REEP3: variants seen among roughly 807,000 people sequenced by gnomAD.
The protein encoded by REEP3 is receptor expression-enhancing protein 3.
In REEP3, 20 loss-of-function variants were observed where a neutral mutation model predicts 41.3. The ratio of observed to expected loss-of-function variants is 0.48; its 90% CI spans 0.34 to 0.70. REEP3 has a LOEUF of 0.70. Among genes scored for constraint, REEP3 ranks in the 30% least tolerant of loss-of-function variants. The pLI is 0.01. For synonymous variants in REEP3, 104 were observed against 101.8 expected, an observed-to-expected ratio of 1.02 and a Z score of -0.13; for missense variants, 271 against 308.8, an observed-to-expected ratio of 0.88 and a Z score of 0.92.
At chr10:63,602,665 C>T (rs976626096) in intron 5 of REEP3, among the ~76,000 whole-genome samples, 4 of 152,108 alleles carry the variant, frequency 2.6e-5, no homozygotes, top group Non-Finnish European at 4.4e-5. Flanking sequence ...CACCATTGTA[C>T]ATATTGTGAC....
chr10:63,594,754 C>CAT, intron 2 of REEP3, 24 bp from the exon 3 acceptor site: 2 of 1,454,762 alleles, frequency 1.4e-6, no homozygotes, highest in Non-Finnish European at 1.9e-6. Context: ...TCTGTTGTTT[C>CAT]ATGAGTATTT....
At chr10:63,586,330 A>G (rs1956006464) in intron 2 of REEP3, among the ~76,000 whole-genome samples, 1 of 152,180 alleles carries the variant, frequency 6.6e-6, no homozygotes, top group East Asian at 1.9e-4. Context: ...GCACTATATA[A>G]ATCAGAATGT....
Position 63,619,695 on chromosome 10 carries a change from TGAA to T in REEP3, c.611_613del (p.Glu204del), listed in dbSNP as rs1956338221. 6.2e-7 allele frequency: 1 copy of T among 1,604,988 alleles called. No homozygotes were observed. Among genetic ancestry groups the T allele is most frequent in the Non-Finnish European group, 8.5e-7 (1 of 1,175,724 alleles). ...TGAAAGACGGAGATGAGAAAACAGATGAAGAAGCAGAGGGGCCATATTCAGATA... is the reference window on the plus strand; with the variant it reads ...TGAAAGACGGAGATGAGAAAACAGATGAAGCAGAGGGGCCATATTCAGATA... On this transcript the variant is annotated inframe_deletion, in exon 7 of 8. Coordinates refer to ENST00000373758, the MANE Select transcript of REEP3 (RefSeq NM_001001330.3).
chr10:63,549,471 G>A (rs1212002501), intron 1 of REEP3, among the ~76,000 whole-genome samples: 5 of 151,366 alleles, frequency 3.3e-5, no homozygotes, highest in Admixed American at 2.7e-4. Flanking sequence ...AGGAGGCTGA[G>A]GCAGGAGGAT....
intron 1 of REEP3, among the ~76,000 whole-genome samples, chr10:63,559,557 G>C (rs1269988107): frequency 6.6e-6 from 1 of 152,154 alleles, no homozygotes; most frequent in Non-Finnish European, 1.5e-5. Context: ...AATATCATTA[G>C]GAAGTAGAGA....
chr10:63,592,575 A>G (rs1248231088), intron 2 of REEP3, among the ~76,000 whole-genome samples: 2 of 152,152 alleles, frequency 1.3e-5, no homozygotes, highest in African/African-American at 4.8e-5. Context: ...AGGGAGGCCT[A>G]TAGTCAGGAT....
intron 2 of REEP3, among the ~76,000 whole-genome samples, chr10:63,573,888 C>G (rs6479908): frequency 0.44 from 67,030 of 151,984 alleles, 15,007 homozygotes; most frequent in Middle Eastern, 0.49. Flanking sequence ...AAAGATTAGC[C>G]TACTGATTAT....
chr10:63,549,168 T>C (rs562207121), intron 1 of REEP3, among the ~76,000 whole-genome samples: 2 of 152,234 alleles, frequency 1.3e-5, no homozygotes, highest in African/African-American at 4.8e-5. Context: ...CACCAAGGAC[T>C]GACCTAGTGT....
intron 6 of REEP3, among the ~76,000 whole-genome samples, chr10:63,616,499 C>T (rs1453784897): frequency 6.6e-6 from 1 of 152,062 alleles, no homozygotes; most frequent in Non-Finnish European, 1.5e-5. Flanking sequence ...TGAATCAATC[C>T]ATCACTTTTC....
At chr10:63,535,121 T>C (rs1955462336) in intron 1 of REEP3, among the ~76,000 whole-genome samples, 1 of 152,080 alleles carries the variant, frequency 6.6e-6, no homozygotes, top group Non-Finnish European at 1.5e-5. Context: ...ATATAATCTA[T>C]TGTTTCAAAA....
At chr10:63,571,657 C>T (rs557067291) in intron 2 of REEP3, among the ~76,000 whole-genome samples, 6 of 152,310 alleles carry the variant, frequency 3.9e-5, no homozygotes, top group South Asian at 2.1e-4. Flanking sequence ...TTCTCCTTTA[C>T]GGTGTAACCT....
chr10:63,615,088 A>G (rs911540119), intron 6 of REEP3, among the ~76,000 whole-genome samples: 1 of 152,178 alleles, frequency 6.6e-6, no homozygotes, highest in Non-Finnish European at 1.5e-5. Context: ...AGGGAAAAAA[A>G]ATAATAAGTA....
At chr10:63,586,024 A>G (rs2133394018) in intron 2 of REEP3, among the ~76,000 whole-genome samples, 1 of 152,338 alleles carries the variant, frequency 6.6e-6, no homozygotes, top group South Asian at 2.1e-4. Flanking sequence ...GTTTTATTGA[A>G]AATGTTAAGA....
At chr10:63,541,594 A>C (rs1955528516) in intron 1 of REEP3, among the ~76,000 whole-genome samples, 1 of 152,202 alleles carries the variant, frequency 6.6e-6, no homozygotes, top group African/African-American at 2.4e-5. Context: ...GCTGAACAGA[A>C]ATTGATGACC....
intron 1 of REEP3, among the ~76,000 whole-genome samples, chr10:63,549,574 G>C (rs1955609170): frequency 6.6e-6 from 1 of 152,162 alleles, no homozygotes; most frequent in African/African-American, 2.4e-5. Flanking sequence ...AGAGAGAAAA[G>C]CTGCTGATCT....
chr10:63,588,807 G>A (rs1314890863), intron 2 of REEP3, among the ~76,000 whole-genome samples: 2 of 152,220 alleles, frequency 1.3e-5, no homozygotes, highest in Non-Finnish European at 2.9e-5. Context: ...AAAGAGGGTA[G>A]TCAGGAAACG....
chr10:63,554,178 A>T (rs892650509), intron 1 of REEP3, among the ~76,000 whole-genome samples: 1 of 152,192 alleles, frequency 6.6e-6, no homozygotes, highest in Non-Finnish European at 1.5e-5. Context: ...GGTAAGTTCA[A>T]ATTTTACACA....
At chr10:63,597,890 A>G in intron 3 of REEP3, 134 bp from the exon 4 acceptor site, 1 of 668,414 alleles carries the variant, frequency 1.5e-6, no homozygotes, top group Admixed American at 3.1e-5. Context: ...TCAGATGACA[A>G]GAGCAAAACT....
chr10:63,522,310 T>C (rs1195189465), intron 1 of REEP3, among the ~76,000 whole-genome samples: 1 of 152,146 alleles, frequency 6.6e-6, no homozygotes, highest in Non-Finnish European at 1.5e-5. Flanking sequence ...CAGGTGCCTG[T>C]TGCCTTTGTT....
Sources: allele counts gnomAD v4.1 joint callset (sites outside exome capture counted in the v4.1 genomes callset), GRCh38; gene constraint gnomAD v4.1.1; transcripts MANE v1.5; gene names NCBI Gene and HGNC (gene_info 2026-07-23, HGNC 2026-07-21).